PDSS2: variants seen among roughly 807,000 people sequenced by gnomAD.
PDSS2 encodes the protein decaprenyl diphosphate synthase subunit 2.
PDSS2 carries 31 observed loss-of-function variants against 44.5 expected under a neutral mutation model. The observed-to-expected ratio is 0.70, with a 90% CI of 0.52 to 0.94. PDSS2 has a LOEUF of 0.94. Ranked by LOEUF, PDSS2 falls within the 40% of genes least tolerant of loss-of-function variation. The probability of loss-of-function intolerance (pLI) is 0.00; values close to 1 mark genes in which losing one functional copy is unlikely to be tolerated. For synonymous variants in PDSS2, 157 were observed against 180.3 expected, an observed-to-expected ratio of 0.87 and a Z score of 1.03; for missense variants, 452 against 482.2, an observed-to-expected ratio of 0.94 and a Z score of 0.59.
chr6:107,366,503 T>A (rs1198226857), intron 1 of PDSS2, among the ~76,000 whole-genome samples: 1 of 150,092 alleles, frequency 6.7e-6, no homozygotes, highest in African/African-American at 2.5e-5. Context: ...AAAAAGAAAA[T>A]AATAAAGTTT....
At chr6:107,209,321 G>C (rs764900319) in intron 6 of PDSS2, among the ~76,000 whole-genome samples, 1 of 152,206 alleles carries the variant, frequency 6.6e-6, no homozygotes, top group Non-Finnish European at 1.5e-5. Context: ...GGCTTGTCAA[G>C]TGGTGGGTCT....
At chr6:107,175,566 A>C (rs1003286739) in intron 7 of PDSS2, among the ~76,000 whole-genome samples, 1 of 152,072 alleles carries the variant, frequency 6.6e-6, no homozygotes, top group African/African-American at 2.4e-5. Flanking sequence ...CACAGATTAG[A>C]AAAAAAATAC....
intron 1 of PDSS2, 118 bp downstream of exon 1, chr6:107,458,868 AAAGG>A (rs1782144586): frequency 8.3e-6 from 7 of 846,882 alleles, no homozygotes; most frequent in South Asian, 7.6e-5. Flanking sequence ...GAGTGAGTAA[AAAGG>A]AAGGACTAAA....
At chr6:107,177,845 T>C (rs192242911) in intron 7 of PDSS2, among the ~76,000 whole-genome samples, 1 of 152,308 alleles carries the variant, frequency 6.6e-6, no homozygotes, top group African/African-American at 2.4e-5. Context: ...TGTAATCTCA[T>C]GACAAATACT....
At chr6:107,189,334 A>T (rs1772286959) in intron 7 of PDSS2, among the ~76,000 whole-genome samples, 1 of 150,972 alleles carries the variant, frequency 6.6e-6, no homozygotes, top group South Asian at 2.1e-4. Context: ...CCAGACATAT[A>T]TTTTTTTTCT....
intron 1 of PDSS2, among the ~76,000 whole-genome samples, chr6:107,351,178 C>T (rs1313480866): frequency 6.6e-6 from 1 of 152,038 alleles, no homozygotes; most frequent in Admixed American, 6.6e-5. Flanking sequence ...AAGATGAAAC[C>T]TTTGTCTCTG....
chr6:107,275,109 G>A (rs1775734271), intron 2 of PDSS2, among the ~76,000 whole-genome samples: 1 of 152,122 alleles, frequency 6.6e-6, no homozygotes, highest in Admixed American at 6.6e-5. Flanking sequence ...ATAATATAGA[G>A]AAGGCCCCTG....
chr6:107,394,345 A>G (rs1368685473), intron 1 of PDSS2, among the ~76,000 whole-genome samples: 1 of 152,202 alleles, frequency 6.6e-6, no homozygotes, highest in African/African-American at 2.4e-5. Context: ...GAAGCATAAC[A>G]CCAGCATCTG....
intron 7 of PDSS2, among the ~76,000 whole-genome samples, chr6:107,155,184 C>G (rs1244289876): frequency 6.8e-6 from 1 of 147,994 alleles, no homozygotes; most frequent in African/African-American, 2.5e-5. Context: ...CTCGCTCTGT[C>G]GCCCAGGATG....
chr6:107,194,901 C>T lies in PDSS2; in HGVS notation c.1009-1047G>A, dbSNP rs191239719. Among the ~76,000 whole-genome samples, 113 of 152,136 alleles carry T rather than the reference C, an allele frequency of 7.4e-4. 2 individuals are homozygous for T. Among genetic ancestry groups the T allele is most frequent in the African/African-American group, 2.6e-3 (106 of 41,490 alleles). ...CCCAGGAGGCGGAGACTGCAGTGGGCTGAGATCATGCCACTGCACTCCAGC... is the reference window on the plus strand; with the variant it reads ...CCCAGGAGGCGGAGACTGCAGTGGGTTGAGATCATGCCACTGCACTCCAGC... On this transcript the variant is annotated intron_variant, in intron 6 of 7. Coordinates refer to ENST00000369037, the MANE Select transcript of PDSS2 (RefSeq NM_020381.4).
At chr6:107,228,043 C>G (rs1007766329) in intron 4 of PDSS2, among the ~76,000 whole-genome samples, 19 of 152,316 alleles carry the variant, frequency 1.2e-4, no homozygotes, top group African/African-American at 4.3e-4. Flanking sequence ...CTGTTAAACA[C>G]TTTACATGCC....
intron 6 of PDSS2, among the ~76,000 whole-genome samples, chr6:107,205,180 C>T (rs999849820): frequency 1.3e-5 from 2 of 152,128 alleles, no homozygotes; most frequent in East Asian, 1.9e-4. Flanking sequence ...GAATAAGGAG[C>T]AATAGTAAGC....
At chr6:107,455,182 G>A (rs779720691) in intron 1 of PDSS2, among the ~76,000 whole-genome samples, 10 of 149,644 alleles carry the variant, frequency 6.7e-5, no homozygotes, top group Non-Finnish European at 1.0e-4. Context: ...CAACAATTAG[G>A]AAAGTTTCAG....
chr6:107,214,178 A>T (rs973914949), intron 4 of PDSS2, among the ~76,000 whole-genome samples: 1 of 150,300 alleles, frequency 6.7e-6, no homozygotes. Context: ...ATCTCGGCTC[A>T]CTGCAAGCTC....
intron 2 of PDSS2, among the ~76,000 whole-genome samples, chr6:107,307,672 T>C (rs1277030933): frequency 6.6e-6 from 1 of 152,172 alleles, no homozygotes; most frequent in Non-Finnish European, 1.5e-5. Flanking sequence ...TTCACGTCTT[T>C]ATATATTTCC....
intron 3 of PDSS2, among the ~76,000 whole-genome samples, chr6:107,265,843 G>C (rs756971920): frequency 6.6e-6 from 1 of 152,200 alleles, no homozygotes; most frequent in Non-Finnish European, 1.5e-5. Context: ...GAGAGGCTGT[G>C]GCAGGAGAAT....
At chr6:107,300,588 T>TTACA (rs1776661259) in intron 2 of PDSS2, among the ~76,000 whole-genome samples, 2 of 151,806 alleles carry the variant, frequency 1.3e-5, no homozygotes, top group Non-Finnish European at 2.9e-5. Context: ...AAAGAGGAGG[T>TTACA]AAAGAAATAG....
rs75017995 is a variant in PDSS2 at position 107,329,870 on chromosome 6, G to A, written c.431+4328C>T. ...AGGTATAGAAGCAGGGTGCAGTGGC[G>A]GGCGCCTGTAATCCCAGCTACTTGG... On this transcript the variant is annotated intron_variant, in intron 2 of 7. Transcript: ENST00000369037. Among the ~76,000 whole-genome samples the A allele has an allele frequency of 8.4e-3, 1,272 of 151,890 alleles. 49 individuals carry two copies. The East Asian group carries it at 0.11, about 14-fold the overall frequency.
chr6:107,451,313 G>A (rs1781859191), intron 1 of PDSS2, among the ~76,000 whole-genome samples: 1 of 152,116 alleles, frequency 6.6e-6, no homozygotes, highest in Admixed American at 6.5e-5. Context: ...TGGTAGAAGA[G>A]CTGAGGCAGG....
Sources: allele counts gnomAD v4.1 joint callset (sites outside exome capture counted in the v4.1 genomes callset), GRCh38; gene constraint gnomAD v4.1.1; transcripts MANE v1.5; gene names NCBI Gene and HGNC (gene_info 2026-07-23, HGNC 2026-07-21).